Variants in CTBP2 observed in about 807,000 individuals in gnomAD.
CTBP2 encodes the protein C-terminal-binding protein 2.
CTBP2 carries 30 observed loss-of-function variants against 80.3 expected under a neutral mutation model. That is an observed-to-expected ratio of 0.37 (90% confidence interval 0.28 to 0.51). The LOEUF (loss-of-function observed/expected upper bound fraction) is 0.51. Among genes scored for constraint, CTBP2 ranks in the 20% least tolerant of loss-of-function variants. The probability of loss-of-function intolerance (pLI) is 0.93; values close to 1 mark genes in which losing one functional copy is unlikely to be tolerated. For missense variants in CTBP2, 1,212 were observed against 1,375.3 expected, an observed-to-expected ratio of 0.88 and a Z score of 1.88; for synonymous variants, 594 against 587.4, an observed-to-expected ratio of 1.01 and a Z score of -0.16.
At chr10:125,052,894 A>G (rs1179295084) in intron 2 of CTBP2, among the ~76,000 whole-genome samples, 1 of 152,162 alleles carries the variant, frequency 6.6e-6, no homozygotes, top group Non-Finnish European at 1.5e-5. Context: ...GCATCTCCAC[A>G]CTTCCCAAGT....
At chr10:125,033,455 A>G (rs576845564) in intron 3 of CTBP2, among the ~76,000 whole-genome samples, 2 of 43,246 alleles carry the variant, frequency 4.6e-5, no homozygotes, top group South Asian at 1.8e-3. Context: ...GTCTCATTTC[A>G]CAGCTTTAAC....
At chr10:125,137,282 G>A (rs983196990) in intron 1 of CTBP2, among the ~76,000 whole-genome samples, 4 of 152,208 alleles carry the variant, frequency 2.6e-5, no homozygotes, top group African/African-American at 7.2e-5. Context: ...TGGGGGCAGC[G>A]GCTGTGGCCA....
intron 1 of CTBP2, among the ~76,000 whole-genome samples, chr10:125,149,205 T>C (rs1288683096): frequency 6.6e-6 from 1 of 152,136 alleles, no homozygotes. Context: ...TGACCATTCA[T>C]GGGAACCTGC....
chr10:124,994,450 G>A lies in CTBP2; in HGVS notation c.2400+19C>T, dbSNP rs1953179096. On this transcript the variant is annotated intron_variant, in intron 5 of 8. Transcript: ENST00000309035. ...CCACCTTTCGACAGAAGCTTCCATGGCATCTATTTTCAAATTACCTGCTTT... is the reference window on the plus strand; with the variant it reads ...CCACCTTTCGACAGAAGCTTCCATGACATCTATTTTCAAATTACCTGCTTT... 6.2e-7 allele frequency: 1 copy of A among 1,610,742 alleles called. No homozygotes were observed. Among genetic ancestry groups the A allele is most frequent in the Non-Finnish European group, 8.5e-7 (1 of 1,176,962 alleles).
intron 2 of CTBP2, among the ~76,000 whole-genome samples, chr10:125,067,035 A>G (rs1304902429): frequency 6.6e-6 from 1 of 151,726 alleles, no homozygotes; most frequent in African/African-American, 2.4e-5. Context: ...ACAACCAGAC[A>G]CCCCCCACGT....
At chr10:125,029,581 C>T (rs1263606522), upstream of CTBP2, among the ~76,000 whole-genome samples, 1 of 152,160 alleles carries the variant, frequency 6.6e-6, no homozygotes, top group Admixed American at 6.5e-5. Flanking sequence ...ATTAAGCCAC[C>T]TTGCCAATTT....
chr10:125,127,019 G>A (rs1409066696), intron 1 of CTBP2, among the ~76,000 whole-genome samples: 1 of 152,038 alleles, frequency 6.6e-6, no homozygotes, highest in Non-Finnish European at 1.5e-5. Context: ...AAGGAAGGCT[G>A]GAAATTAAAT....
rs551223221 is a variant in CTBP2, at chr10:124,989,739, A to G, written c.2778-41T>C. 4 of 1,509,564 alleles carry G rather than the reference A, an allele frequency of 2.6e-6. No individual in the cohort carries two copies. In the East Asian group the frequency reaches 6.9e-5, roughly 26 times the overall value. The allele number at this position is 1,509,564 out of a possible 1,614,324, so 93.5% of individuals were successfully genotyped here. ...AAATAGGGCCTTGTAAGTTCAGGGC[A>G]GAGTTGCCAAGCTCTTGGCTCTTCT... is the stretch of plus-strand genomic sequence containing the variant. On this transcript the variant is annotated intron_variant, in intron 8 of 8. Transcript: ENST00000309035.
rs7903309 is a variant in CTBP2 at position 125,052,119 on chromosome 10, G to A, written c.-101-12964C>T. On this transcript the variant is annotated intron_variant, in intron 2 of 10. Transcript: ENST00000337195. ...AACAGACGGGAGGCTCGCACCTATC[G>A]GTGGGGGTCTGCGCTGCTGAGACCT... 4.5e-3 allele frequency among the ~76,000 whole-genome samples: 688 copies of A among 152,308 alleles called. 4 individuals are homozygous for A. The highest frequency in any genetic ancestry group is 0.016 in the African/African-American group (662 of 41,558).
intron 2 of CTBP2, among the ~76,000 whole-genome samples, chr10:125,101,005 T>G (rs1046332904): frequency 6.6e-6 from 1 of 152,248 alleles, no homozygotes; most frequent in African/African-American, 2.4e-5. Flanking sequence ...ATAAAAGTAA[T>G]GTGATATTAC....
Position 124,992,821 on chromosome 10 carries a change from A to G in CTBP2, c.2660-9T>C. 1 of 1,589,680 alleles carries G rather than the reference A, an allele frequency of 6.3e-7. No individual in the cohort carries two copies. The highest frequency in any genetic ancestry group is 8.6e-7 in the Non-Finnish European group (1 of 1,161,074). On this transcript the variant is annotated splice_polypyrimidine_tract_variant and intron_variant, in intron 7 of 8. Coordinates refer to ENST00000309035, the MANE Select transcript of CTBP2 (RefSeq NM_022802.3). ...GCTTTCTGGGATGCGACCTAGGGTA[A>G]GATGATTAAAATTAATCATATTATT...
In CTBP2 at chr10:125,027,447, G is replaced by C. The variant is rs758556727; in HGVS notation, c.313C>G (p.Leu105Val). 1.2e-6 allele frequency: 2 copies of C among 1,614,098 alleles called. No individual in the cohort carries two copies. Among genetic ancestry groups the C allele is most frequent in the Non-Finnish European group, 1.7e-6 (2 of 1,180,024 alleles). The change falls in exon 1 of 9, where the codon CTG (leucine) becomes GTG (valine). Residue 105 changes from leucine to valine, a missense_variant. Transcript: ENST00000309035. ...TCACTGTAGTACTCCCGTGGCAGCAGGGGGCTGCGACCAGACATCACTGCC... is the reference window on the plus strand; with the variant it reads ...TCACTGTAGTACTCCCGTGGCAGCACGGGGCTGCGACCAGACATCACTGCC...
intron 1 of CTBP2, among the ~76,000 whole-genome samples, 199 bp from the exon 2 acceptor site, chr10:125,111,292 C>A (rs1852259860): frequency 6.6e-6 from 1 of 152,184 alleles, no homozygotes; most frequent in South Asian, 2.1e-4. Context: ...AGCACCAGAA[C>A]AAATGAACCC....
rs4584533 is a variant in CTBP2 at position 125,078,773 on chromosome 10, T to C, written c.-102+32217A>G. Among the ~76,000 whole-genome samples, 685 of 152,142 alleles carry C rather than the reference T, an allele frequency of 4.5e-3. 23 individuals are homozygous for C. Among genetic ancestry groups the C allele is most frequent in the Admixed American group, 0.041 (632 of 15,268 alleles). ...CAGGGCTTAATCTGACCCTTACCAA[T>C]AATAATGTTCTTTCTTTTTCCTGCT... On this transcript the variant is annotated intron_variant, in intron 2 of 10. Coordinates refer to the CTBP2 transcript ENST00000337195.
intron 2 of CTBP2, among the ~76,000 whole-genome samples, chr10:125,080,297 C>A (rs74495065): frequency 0.021 from 3,102 of 144,666 alleles, 98 homozygotes; most frequent in African/African-American, 0.07. Context: ...AAAAAAAAAA[C>A]ACACACCCAC....
rs1163504554 is a variant in CTBP2, at chr10:125,049,041, CCACAGACACACACA to C, written c.-101-9900_-101-9887del. Among the ~76,000 whole-genome samples, 97 of 112,486 alleles carry C rather than the reference CCACAGACACACACA, an allele frequency of 8.6e-4. 2 individuals carry two copies. Among genetic ancestry groups the C allele is most frequent in the East Asian group, 3.9e-3 (10 of 2,574 alleles). 73.8% of individuals were successfully genotyped at this position (112,486 alleles called of 152,430 possible). On this transcript the variant is annotated intron_variant, in intron 2 of 10. Transcript: ENST00000337195. The stretch of plus-strand genomic sequence containing the variant: ...CTCTGGCCTCAATTTGCCCGCCTGA[CCACAGACACACACA>C]CACACACACACACACACACACACAC...
At chr10:124,995,626 G>A (rs1297208651) in intron 4 of CTBP2, among the ~76,000 whole-genome samples, 1 of 152,164 alleles carries the variant, frequency 6.6e-6, no homozygotes, top group African/African-American at 2.4e-5. Flanking sequence ...TCTAACCGAT[G>A]GCCTGGCTAG....
At chr10:124,998,356 C>T (rs1487411271) in intron 3 of CTBP2, 186 bp from the exon 6 acceptor site, 3 of 639,160 alleles carry the variant, frequency 4.7e-6, no homozygotes, top group Non-Finnish European at 8.1e-6. Flanking sequence ...ATGGGAAGCT[C>T]TAGCCCCAAC....
intron 1 of CTBP2, among the ~76,000 whole-genome samples, chr10:125,113,313 G>T (rs1227272199): frequency 1.3e-5 from 2 of 152,150 alleles, no homozygotes; most frequent in Non-Finnish European, 2.9e-5. Flanking sequence ...CATCTCACAG[G>T]TTATCTTCTT....
Sources: allele counts gnomAD v4.1 joint callset (sites outside exome capture counted in the v4.1 genomes callset), GRCh38; gene constraint gnomAD v4.1.1; transcripts MANE v1.5; gene names NCBI Gene and HGNC (gene_info 2026-07-23, HGNC 2026-07-21).